The following TAF4B variants were observed in gnomAD, a reference collection of about 807,000 sequenced individuals.
The protein encoded by TAF4B is transcription initiation factor TFIID subunit 4B.
Under a neutral mutation model 86.4 loss-of-function variants are expected in TAF4B, and 38 were observed. That is an observed-to-expected ratio of 0.44 (90% CI 0.34 to 0.58). TAF4B has a LOEUF of 0.58. Among genes scored for constraint, TAF4B ranks in the 20% least tolerant of loss-of-function variants. The pLI is 0.02. For missense variants in TAF4B, 988 were observed against 1,027.6 expected, an observed-to-expected ratio of 0.96 and a Z score of 0.53; for synonymous variants, 388 against 391.2, an observed-to-expected ratio of 0.99 and a Z score of 0.10.
intron 5 of TAF4B, among the ~76,000 whole-genome samples, chr18:26,278,620 T>G (rs1217138290): frequency 4.6e-5 from 7 of 151,738 alleles, no homozygotes; most frequent in African/African-American, 1.2e-4. Flanking sequence ...TCTGTTGTTT[T>G]TTTTTTTTTT....
At chr18:26,350,700 CAAAT>C (rs759310891) in intron 13 of TAF4B, among the ~76,000 whole-genome samples, 54 of 152,176 alleles carry the variant, frequency 3.5e-4, no homozygotes, top group Non-Finnish European at 6.9e-4. Context: ...TAAAAACAAA[CAAAT>C]GGGCAAATGA....
intron 3 of TAF4B, among the ~76,000 whole-genome samples, chr18:26,270,094 A>G (rs1204728161): frequency 6.6e-6 from 1 of 152,202 alleles, no homozygotes; most frequent in Non-Finnish European, 1.5e-5. Flanking sequence ...AAAAAAATAT[A>G]TTGTGGAGAG....
intron 1 of TAF4B, among the ~76,000 whole-genome samples, chr18:26,259,824 G>C (rs1302329376): frequency 6.6e-6 from 1 of 151,864 alleles, no homozygotes; most frequent in Non-Finnish European, 1.5e-5. Context: ...GGGTCAAATG[G>C]TATTTCTAGT....
At position 26,286,026 on chromosome 18, in the gene TAF4B, T is replaced by G. The variant is rs376523224; in HGVS notation, c.1117T>G (p.Ser373Ala). Residue 373 changes from serine (S) to alanine (A), a missense_variant, in exon 7 of 15, where the codon TCA becomes GCA. By Grantham distance (99) the Ser-to-Ala change is moderately conservative. Around this residue, in one of 3 missense-constraint regions of TAF4B, gnomAD observed 747 missense variants for 737.9 expected, o/e 1.01. Transcript: ENST00000269142. ...TSPVVTTTVS[S>A]SQSEKSIIVS... ...TCCTGTGGTGACAACTACAGTGTCCTCAAGCCAGTCTGAAAAGTCAATTAT... is the reference window on the plus strand; with the variant it reads ...TCCTGTGGTGACAACTACAGTGTCCGCAAGCCAGTCTGAAAAGTCAATTAT... 5.6e-6 allele frequency: 9 copies of G among 1,614,116 alleles called. No individual in the cohort carries two copies. The highest frequency in any genetic ancestry group is 1.3e-5 in the African/African-American group (1 of 74,948).
At chr18:26,296,244 G>T (rs1020611263) in intron 9 of TAF4B, among the ~76,000 whole-genome samples, 1 of 151,740 alleles carries the variant, frequency 6.6e-6, no homozygotes, top group East Asian at 1.9e-4. Context: ...CATTTTCTCC[G>T]CTTCCAAATG....
At chr18:26,309,056 A>G (rs1368437174) in intron 9 of TAF4B, among the ~76,000 whole-genome samples, 2 of 151,930 alleles carry the variant, frequency 1.3e-5, no homozygotes, top group Non-Finnish European at 2.9e-5. Context: ...GAGCTGATCT[A>G]ATCTAGAATA....
rs1317369486 is a variant in TAF4B, at chr18:26,390,681, T to C, written c.*669T>C. The C allele has an allele frequency of 1.3e-5, 2 of 152,176 alleles. No homozygotes were observed. Among genetic ancestry groups the C allele is most frequent in the African/African-American group, 4.8e-5 (2 of 41,440 alleles). 9.4% of individuals were successfully genotyped at this position (152,176 alleles called of 1,614,324 possible). The stretch of plus-strand genomic sequence containing the variant: ...CCTTAAAATTGAATCTACTGATATA[T>C]CTTGTTGAAAAAATGGAAAAGGTGC... On this transcript the variant is annotated 3_prime_UTR_variant, in exon 15 of 15. Transcript: ENST00000269142.
intron 5 of TAF4B, 88 bp from the exon 6 acceptor site, chr18:26,281,883 T>G (rs1296098713): frequency 1.1e-6 from 1 of 924,358 alleles, no homozygotes; most frequent in Admixed American, 2.4e-5. Context: ...GTGAAAAGTT[T>G]GCTATGTCTA....
intron 9 of TAF4B, among the ~76,000 whole-genome samples, chr18:26,310,756 C>G (rs72880186): frequency 0.043 from 6,595 of 152,150 alleles, 198 homozygotes; most frequent in Non-Finnish European, 0.061. Context: ...CTTTATCCCC[C>G]CTATTACCCA....
Position 26,390,149 on chromosome 18 carries a change from ATT to A in TAF4B, c.*138_*139del, listed in dbSNP as rs1978620275. ...AGCATTGTTTACAGTTAGAAACTTTATTAACTCTTACCTATCCATCTCATGGG... is the reference window on the plus strand; with the variant it reads ...AGCATTGTTTACAGTTAGAAACTTTAAACTCTTACCTATCCATCTCATGGG... On this transcript the variant is annotated 3_prime_UTR_variant, in exon 15 of 15. Transcript: ENST00000269142. 1 of 860,838 alleles carries A rather than the reference ATT, an allele frequency of 1.2e-6. No individual in the cohort carries two copies. Among genetic ancestry groups the A allele is most frequent in the Non-Finnish European group, 1.8e-6 (1 of 568,964 alleles). The allele number at this position is 860,838 out of a possible 1,614,324, so 53.3% of individuals were successfully genotyped here. A position where few individuals can be genotyped will look rare whatever the true frequency, so the allele number is the denominator to read the frequency against.
At chr18:26,324,543 G>A (rs1412514365) in intron 11 of TAF4B, among the ~76,000 whole-genome samples, 3 of 152,142 alleles carry the variant, frequency 2.0e-5, no homozygotes, top group African/African-American at 7.2e-5. Context: ...ATAGCTTTCA[G>A]CTGGAATTCT....
At chr18:26,247,756 C>T (rs1267318026) in intron 1 of TAF4B, among the ~76,000 whole-genome samples, 1 of 152,168 alleles carries the variant, frequency 6.6e-6, no homozygotes, top group Non-Finnish European at 1.5e-5. Context: ...GTGGTGCATA[C>T]CTCTAATCCC....
chr18:26,279,000 A>G (rs2056415067), intron 5 of TAF4B, among the ~76,000 whole-genome samples: 1 of 151,490 alleles, frequency 6.6e-6, no homozygotes, highest in African/African-American at 2.4e-5. Context: ...ATTCCTATTT[A>G]ACATAATATT....
intron 9 of TAF4B, among the ~76,000 whole-genome samples, chr18:26,307,133 T>C (rs1201372185): frequency 6.6e-6 from 1 of 152,198 alleles, no homozygotes. Flanking sequence ...AGACCCTCGA[T>C]GTTGGCTCTT....
At chr18:26,302,416 G>C (rs949911767) in intron 9 of TAF4B, among the ~76,000 whole-genome samples, 3 of 117,330 alleles carry the variant, frequency 2.6e-5, no homozygotes, top group Non-Finnish European at 4.9e-5. Context: ...TGTCACCTAG[G>C]CTGGAGTGCA....
At chr18:26,298,054 A>G (rs1447020402) in intron 9 of TAF4B, among the ~76,000 whole-genome samples, 1 of 105,872 alleles carries the variant, frequency 9.4e-6, no homozygotes, top group Non-Finnish European at 1.7e-5. Flanking sequence ...CACCCCTCCA[A>G]TTTTAGCTAT....
chr18:26,317,626 T>A (rs1163066584), intron 10 of TAF4B, among the ~76,000 whole-genome samples: 2 of 152,176 alleles, frequency 1.3e-5, no homozygotes, highest in South Asian at 2.1e-4. Context: ...AAACAACAAA[T>A]GTTTATTTCT....
intron 1 of TAF4B, among the ~76,000 whole-genome samples, chr18:26,227,814 G>C (rs1410984297): frequency 6.6e-6 from 1 of 152,230 alleles, no homozygotes; most frequent in Non-Finnish European, 1.5e-5. Context: ...ACCGCGTACG[G>C]CCTAACAGTG....
At chr18:26,369,558 A>T (rs1371373050) in intron 14 of TAF4B, among the ~76,000 whole-genome samples, 1 of 152,208 alleles carries the variant, frequency 6.6e-6, no homozygotes, top group Non-Finnish European at 1.5e-5. Flanking sequence ...CTGCAGCCAT[A>T]TTCTTTTGCT....
Sources: allele counts gnomAD v4.1 joint callset (sites outside exome capture counted in the v4.1 genomes callset), GRCh38; gene constraint gnomAD v4.1.1; regional missense constraint gnomAD v4.1.1; transcripts MANE v1.5; gene names NCBI Gene and HGNC (gene_info 2026-07-23, HGNC 2026-07-21).